CAMSAP2: variants seen among roughly 807,000 people sequenced by gnomAD.
CAMSAP2 encodes calmodulin regulated spectrin associated protein family member 2.
CAMSAP2 carries 26 observed loss-of-function variants against 146.1 expected under a neutral mutation model. The ratio of observed to expected loss-of-function variants is 0.18; its 90% confidence interval spans 0.13 to 0.25. The LOEUF is 0.25. CAMSAP2 is among the 10% of genes least tolerant of loss of function. The pLI is 1.00. For missense variants in CAMSAP2, 1,381 were observed against 1,759.3 expected, an observed-to-expected ratio of 0.78 and a Z score of 3.85; for synonymous variants, 499 against 596.6, an observed-to-expected ratio of 0.84 and a Z score of 2.38.
At chr1:200,831,062 AT>A (rs1667030458) in intron 4 of CAMSAP2, among the ~76,000 whole-genome samples, 1 of 152,110 alleles carries the variant, frequency 6.6e-6, no homozygotes, top group African/African-American at 2.4e-5. Context: ...TTATAATTAT[AT>A]TTTAATTCTA....
At chr1:200,818,717 G>T (rs553778243) in intron 4 of CAMSAP2, among the ~76,000 whole-genome samples, 5 of 152,036 alleles carry the variant, frequency 3.3e-5, no homozygotes, top group Non-Finnish European at 5.9e-5. Flanking sequence ...CTGTGTACTT[G>T]GTTTGACTGG....
chr1:200,785,795 C>A (rs1020958679), intron 2 of CAMSAP2, among the ~76,000 whole-genome samples: 12 of 152,140 alleles, frequency 7.9e-5, no homozygotes, highest in Admixed American at 1.3e-4. Flanking sequence ...TCAAGTGATT[C>A]TTGTGCCTCA....
rs561812505 is a variant in CAMSAP2, at chr1:200,848,553, C to G, written c.1784C>G (p.Thr595Arg). The G allele has an allele frequency of 2.1e-5, 34 of 1,613,950 alleles. No homozygotes were observed. The highest frequency in any genetic ancestry group is 1.6e-4 in the Middle Eastern group (1 of 6,062). The stretch of plus-strand genomic sequence containing the variant: ...TCTAGTCCTGATAATGTAACTGATA[C>G]GAAAGGTGCCTTGAGTCCCATAACT... ...NQSSPDNVTD[T>R]KGALSPITDN... Residue 595 changes from threonine (T) to arginine (R), a missense_variant, in exon 11 of 17, where the codon ACG becomes AGG. By Grantham distance (71) the Thr-to-Arg change is moderately conservative. This residue lies in a region of CAMSAP2 where 447 missense variants were observed against 462.2 expected (regional missense o/e 0.97). Coordinates refer to ENST00000358823, the MANE Select transcript of CAMSAP2 (RefSeq NM_203459.4).
intron 4 of CAMSAP2, among the ~76,000 whole-genome samples, chr1:200,823,160 ATTAG>A (rs1666818437): frequency 1.3e-5 from 2 of 152,096 alleles, no homozygotes; most frequent in Admixed American, 6.6e-5. Flanking sequence ...TTCCATATTT[ATTAG>A]TTAGCATTCT....
intron 7 of CAMSAP2, 120 bp downstream of exon 7, chr1:200,842,207 A>G (rs968543378): frequency 3.4e-5 from 23 of 683,920 alleles, no homozygotes; most frequent in Admixed American, 3.3e-4. Context: ...GATTTCAGCT[A>G]TTACACTTGA....
intron 2 of CAMSAP2, among the ~76,000 whole-genome samples, chr1:200,789,513 C>T (rs540603681): frequency 4.9e-4 from 75 of 152,110 alleles, no homozygotes; most frequent in African/African-American, 1.6e-3. Context: ...TATTCTGTTC[C>T]GGTGATCTAT....
Position 200,847,663 on chromosome 1 carries a change from A to T in CAMSAP2, c.1216A>T (p.Met406Leu), listed in dbSNP as rs540305419. The T allele has an allele frequency of 1.2e-6, 2 of 1,612,456 alleles. No individual in the cohort carries two copies. Among genetic ancestry groups the T allele is most frequent in the East Asian group, 4.5e-5 (2 of 44,756 alleles). ...AGGAGGAATTAGAAGGTCTTCATCT[A>T]TGTCTTATGTTGATGGCTTCATAGG... ...ASGGIRRSSS[M>L]SYVDGFIGTW... is the part of the protein sequence containing the mutation. Residue 406 changes from methionine (M) to leucine (L), a missense_variant, in exon 10 of 17, where the codon ATG becomes TTG. Physicochemically the swap from Met to Leu is conservative, Grantham distance 15. This residue lies in a region of CAMSAP2 where 447 missense variants were observed against 462.2 expected (regional missense o/e 0.97). Coordinates refer to ENST00000358823, the MANE Select transcript of CAMSAP2 (RefSeq NM_203459.4).
chr1:200,830,325 G>A lies in CAMSAP2; in HGVS notation c.646-1875G>A, dbSNP rs1375630512. ...TGTGTGTGTGTGTGTGTGTGTGCAC[G>A]TGCACATACATGTGCCTGTTTGCAC... On this transcript the variant is annotated intron_variant, in intron 4 of 16. Transcript: ENST00000358823. 7.9e-5 allele frequency among the ~76,000 whole-genome samples: 12 copies of A among 151,966 alleles called. No individual in the cohort carries two copies. In the South Asian group the frequency reaches 1.9e-3, roughly 24 times the overall value.
At chr1:200,804,876 CAT>C (rs543915483) in intron 2 of CAMSAP2, among the ~76,000 whole-genome samples, 195 of 152,280 alleles carry the variant, frequency 1.3e-3, no homozygotes, top group African/African-American at 4.4e-3. Flanking sequence ...ATTTCTGAAA[CAT>C]ATTTTTTTGC....
At chr1:200,829,550 C>T (rs1358284036) in intron 4 of CAMSAP2, among the ~76,000 whole-genome samples, 3 of 152,136 alleles carry the variant, frequency 2.0e-5, no homozygotes, top group African/African-American at 7.2e-5. Flanking sequence ...AAAGATTGAT[C>T]TTTCAGATTT....
chr1:200,796,225 A>G (rs1423703688), intron 2 of CAMSAP2, among the ~76,000 whole-genome samples: 1 of 152,190 alleles, frequency 6.6e-6, no homozygotes, highest in Non-Finnish European at 1.5e-5. Context: ...GTAGGTTACT[A>G]CTTAACTATT....
chr1:200,847,305 A>G lies in CAMSAP2; in HGVS notation c.1192+13A>G, dbSNP rs1439435965. On this transcript the variant is annotated intron_variant, in intron 9 of 16. Transcript: ENST00000358823. ...TCTTCAGCCTCAGGTAATATATTTG[A>G]AAAAGCCTAGGAAAATACTCTTTTA... 6.3e-7 allele frequency: 1 copy of G among 1,575,994 alleles called. No homozygotes were observed. Among genetic ancestry groups the G allele is most frequent in the South Asian group, 1.1e-5 (1 of 88,460 alleles).
chr1:200,822,724 C>CTGTA (rs1385619108), intron 4 of CAMSAP2, among the ~76,000 whole-genome samples: 1 of 152,218 alleles, frequency 6.6e-6, no homozygotes, highest in Non-Finnish European at 1.5e-5. Context: ...TCAGATAGTA[C>CTGTA]TGTATCTACA....
intron 6 of CAMSAP2, among the ~76,000 whole-genome samples, chr1:200,838,139 A>G (rs1025688421): frequency 2.6e-5 from 4 of 152,176 alleles, no homozygotes; most frequent in African/African-American, 9.7e-5. Context: ...TTACTGGGAA[A>G]ATTATTTCTT....
chr1:200,744,781 A>G (rs564239272), intron 1 of CAMSAP2, among the ~76,000 whole-genome samples: 5 of 152,216 alleles, frequency 3.3e-5, no homozygotes, highest in Non-Finnish European at 4.4e-5. Context: ...GATGGAGGAA[A>G]TGGTTTGTGT....
chr1:200,750,587 G>GTA (rs1664471911), intron 1 of CAMSAP2, among the ~76,000 whole-genome samples: 1 of 151,186 alleles, frequency 6.6e-6, no homozygotes, highest in Non-Finnish European at 1.5e-5. Flanking sequence ...GTGTGTGTGT[G>GTA]TGTGTGTGTA....
chr1:200,766,487 C>G (rs976358648), intron 2 of CAMSAP2, among the ~76,000 whole-genome samples: 20 of 152,136 alleles, frequency 1.3e-4, no homozygotes, highest in South Asian at 1.2e-3. Context: ...CTTTAACACT[C>G]TATCTTACGT....
chr1:200,781,535 T>G (rs759180108), intron 2 of CAMSAP2, among the ~76,000 whole-genome samples: 2 of 123,142 alleles, frequency 1.6e-5, no homozygotes, highest in Non-Finnish European at 3.9e-5. Flanking sequence ...TGTTTTTTTG[T>G]TGTATGTTTG....
rs747236766 is a variant in CAMSAP2 at position 200,857,463 on chromosome 1, T to TA, written c.4131+40dup. Reference sequence around the variant, plus strand: ...CATGAAAATTAAATTTGGCAAACTGTAGAAGTCTTTTATCCATTCAAGAGA... The same window carrying TA: ...CATGAAAATTAAATTTGGCAAACTGTAAGAAGTCTTTTATCCATTCAAGAGA... On this transcript the variant is annotated intron_variant, in intron 16 of 16. Transcript: ENST00000358823. This position sits in a 1 kb window ranked among gnomAD's most constrained non-coding sequence, Gnocchi z 4.7. 1 of 1,370,896 alleles carries TA rather than the reference T, an allele frequency of 7.3e-7. No homozygotes were observed. Among genetic ancestry groups the TA allele is most frequent in the South Asian group, 1.2e-5 (1 of 85,850 alleles). 84.9% of individuals were successfully genotyped at this position (1,370,896 alleles called of 1,614,324 possible).
Sources: allele counts gnomAD v4.1 joint callset (sites outside exome capture counted in the v4.1 genomes callset), GRCh38; gene constraint gnomAD v4.1.1; regional missense constraint gnomAD v4.1.1; non-coding constraint Gnocchi (gnomAD v3.1); transcripts MANE v1.5; gene names NCBI Gene and HGNC (gene_info 2026-07-23, HGNC 2026-07-21).